Variants in EDARADD observed in about 807,000 individuals in gnomAD.
EDARADD encodes the protein ectodysplasin-A receptor-associated adapter protein.
In EDARADD, 20 loss-of-function variants were observed where a neutral mutation model predicts 25.6. The observed-to-expected ratio is 0.78, with a 90% confidence interval of 0.55 to 1.14. The LOEUF (loss-of-function observed/expected upper bound fraction) is 1.14, where lower values mean the gene tolerates loss of function less well. EDARADD is among the 50% of genes most tolerant of loss of function. The pLI is 0.00. For synonymous variants in EDARADD, 86 were observed against 94.4 expected, an observed-to-expected ratio of 0.91 and a Z score of 0.52; for missense variants, 225 against 270.1, an observed-to-expected ratio of 0.83 and a Z score of 1.17.
At chr1:236,402,607 C>CA (rs1438775959) in intron 1 of EDARADD, among the ~76,000 whole-genome samples, 1 of 151,992 alleles carries the variant, frequency 6.6e-6, no homozygotes, top group Non-Finnish European at 1.5e-5. Context: ...AATGAGGTCT[C>CA]ACTGTGTTGC....
intron 1 of EDARADD, among the ~76,000 whole-genome samples, chr1:236,408,479 C>T (rs1165958219): frequency 1.3e-5 from 2 of 152,166 alleles, no homozygotes; most frequent in African/African-American, 4.8e-5. Flanking sequence ...GCTGGGATTA[C>T]AGGCGTGAGC....
chr1:236,438,781 C>G (rs1168326182), intron 4 of EDARADD, among the ~76,000 whole-genome samples: 1 of 152,118 alleles, frequency 6.6e-6, no homozygotes, highest in African/African-American at 2.4e-5. Flanking sequence ...AGCTCCACCC[C>G]CATTGTCAGC....
chr1:236,415,444 TTTA>T (rs562128655), intron 3 of EDARADD, among the ~76,000 whole-genome samples: 24 of 152,190 alleles, frequency 1.6e-4, no homozygotes, highest in African/African-American at 5.5e-4. Context: ...ATGTTCCTTT[TTTA>T]TTATTATTAT....
intron 3 of EDARADD, among the ~76,000 whole-genome samples, chr1:236,362,253 G>A (rs1460525973): frequency 6.6e-5 from 10 of 152,166 alleles, no homozygotes; most frequent in Non-Finnish European, 1.3e-4. Flanking sequence ...TAAAGAGTCT[G>A]CAGTGGCATC....
upstream of EDARADD, among the ~76,000 whole-genome samples, chr1:236,392,617 T>C (rs549738362): frequency 4.0e-5 from 6 of 150,440 alleles, no homozygotes; most frequent in Non-Finnish European, 7.4e-5. Flanking sequence ...TCCCAAGTAG[T>C]TGGGTGCCTG....
At chr1:236,407,689 C>T (rs1335417434) in intron 1 of EDARADD, among the ~76,000 whole-genome samples, 1 of 149,812 alleles carries the variant, frequency 6.7e-6, no homozygotes, top group African/African-American at 2.5e-5. Flanking sequence ...TACTGCAGGT[C>T]GTTCACTGCA....
At chr1:236,404,072 C>G (rs1321338729) in intron 1 of EDARADD, among the ~76,000 whole-genome samples, 2 of 152,206 alleles carry the variant, frequency 1.3e-5, no homozygotes. Context: ...CGCACCGGCC[C>G]TGGCGAAACC....
At chr1:236,366,550 G>A (rs761460470) in intron 3 of EDARADD, among the ~76,000 whole-genome samples, 3 of 151,072 alleles carry the variant, frequency 2.0e-5, no homozygotes, top group Non-Finnish European at 4.4e-5. Context: ...AACCCTCCAC[G>A]GATCTTTGTG....
At chr1:236,439,203 A>G (rs1422541908) in intron 4 of EDARADD, among the ~76,000 whole-genome samples, 1 of 152,212 alleles carries the variant, frequency 6.6e-6, no homozygotes, top group African/African-American at 2.4e-5. Flanking sequence ...TTAGTGCTTA[A>G]TAATATTCCA....
At chr1:236,462,049 G>A (rs751137379) in intron 4 of EDARADD, among the ~76,000 whole-genome samples, 22 of 152,140 alleles carry the variant, frequency 1.4e-4, no homozygotes, top group Non-Finnish European at 2.8e-4. Flanking sequence ...GGGCACTGCA[G>A]GACAGTTGGT....
intron 3 of EDARADD, among the ~76,000 whole-genome samples, chr1:236,367,519 G>A (rs919386153): frequency 2.0e-5 from 3 of 151,988 alleles, no homozygotes; most frequent in Non-Finnish European, 2.9e-5. Context: ...ATGGGCCACC[G>A]CACCCAGCCC....
intron 5 of EDARADD, among the ~76,000 whole-genome samples, chr1:236,481,563 G>A (rs1296082389): frequency 6.8e-6 from 1 of 147,914 alleles, no homozygotes; most frequent in African/African-American, 2.5e-5. Flanking sequence ...AGGAGTTCAA[G>A]ACCAGCCTGG....
intron 5 of EDARADD, among the ~76,000 whole-genome samples, chr1:236,470,524 T>A (rs1659330786): frequency 6.6e-6 from 1 of 152,264 alleles, no homozygotes; most frequent in South Asian, 2.1e-4. Flanking sequence ...ATTAGCAGGT[T>A]AATTTTAATC....
rs1205607319 is a variant in EDARADD at position 236,395,336 on chromosome 1, C to A, written c.61+831C>A. 2 of 1,312,384 alleles carry A rather than the reference C, an allele frequency of 1.5e-6. No individual in the cohort carries two copies. 81.3% of individuals were successfully genotyped at this position (1,312,384 alleles called of 1,614,324 possible). On this transcript the variant is annotated intron_variant, in intron 1 of 5. Coordinates refer to ENST00000334232, the MANE Select transcript of EDARADD (RefSeq NM_145861.4). This position sits in a 1 kb window ranked among gnomAD's most constrained non-coding sequence, Gnocchi z 6.9. ...CTCGGGGCCCCGCCTTGCGTCCCAG[C>A]CCCGGGTCGCGGCACCCCGGCTCCC... is the stretch of plus-strand genomic sequence containing the variant.
rs1285402904 is a variant in EDARADD, at chr1:236,466,999, G to A, written c.220-1232G>A. On this transcript the variant is annotated intron_variant, in intron 4 of 5. Transcript: ENST00000334232. ...GGAGAATGGCGTGAACCCAGGAGGC[G>A]GAGATGCAGTGAGCCGAGATTGTGC... Among the ~76,000 whole-genome samples, 6 of 152,018 alleles carry A rather than the reference G, an allele frequency of 3.9e-5. No homozygotes were observed. The South Asian group carries it at 8.3e-4, about 21-fold the overall frequency.
intron 4 of EDARADD, among the ~76,000 whole-genome samples, chr1:236,459,963 C>T (rs1658995015): frequency 1.3e-5 from 2 of 152,054 alleles, no homozygotes; most frequent in Admixed American, 1.3e-4. Flanking sequence ...TGAATTCTTG[C>T]CCACCTCTGG....
At chr1:236,403,983 G>A (rs901124876) in intron 1 of EDARADD, among the ~76,000 whole-genome samples, 2 of 152,144 alleles carry the variant, frequency 1.3e-5, no homozygotes, top group African/African-American at 2.4e-5. Flanking sequence ...CAGAGTCACC[G>A]ACCTGGGGGA....
intron 3 of EDARADD, among the ~76,000 whole-genome samples, chr1:236,375,914 A>G (rs1374389649): frequency 2.7e-5 from 4 of 148,790 alleles, no homozygotes; most frequent in African/African-American, 7.4e-5. Context: ...AAAAAAAAGA[A>G]TGTTTTTATT....
At chr1:236,446,956 G>C (rs980667696) in intron 4 of EDARADD, among the ~76,000 whole-genome samples, 27 of 152,126 alleles carry the variant, frequency 1.8e-4, no homozygotes, top group Non-Finnish European at 5.9e-5. Flanking sequence ...GAGATGTGGT[G>C]GTAAACAAAA....
Sources: allele counts gnomAD v4.1 joint callset (sites outside exome capture counted in the v4.1 genomes callset), GRCh38; gene constraint gnomAD v4.1.1; non-coding constraint Gnocchi (gnomAD v3.1); transcripts MANE v1.5; gene names NCBI Gene and HGNC (gene_info 2026-07-23, HGNC 2026-07-21).